The following MED12L variants were observed in gnomAD, a reference collection of about 807,000 sequenced individuals.
The protein encoded by MED12L is mediator of RNA polymerase II transcription subunit 12-like protein.
A neutral mutation model predicts 281.3 loss-of-function variants in MED12L; 60 were observed. That is an observed-to-expected ratio of 0.21 (90% CI 0.17 to 0.26). The LOEUF (loss-of-function observed/expected upper bound fraction) is 0.26, where lower values mean the gene tolerates loss of function less well. MED12L is among the 10% of genes least tolerant of loss of function. MED12L has a pLI of 1.00. For synonymous variants in MED12L, 974 were observed against 987.2 expected (o/e 0.99, Z 0.25); for missense variants, 2,146 against 2,680.9 (o/e 0.80, Z 4.41).
intron 3 of MED12L, among the ~76,000 whole-genome samples, chr3:151,119,911 C>G (rs545210630): frequency 6.6e-6 from 1 of 151,954 alleles, no homozygotes; most frequent in Non-Finnish European, 1.5e-5. Flanking sequence ...TGGATGGAAA[C>G]AAATGTTAAA....
intron 36 of MED12L, among the ~76,000 whole-genome samples, chr3:151,386,987 G>A (rs1713494374): frequency 6.6e-6 from 1 of 152,178 alleles, no homozygotes; most frequent in Non-Finnish European, 1.5e-5. Flanking sequence ...TGGGATTACA[G>A]ACACGAGCCA....
At chr3:151,361,173 A>G (rs999640409) in intron 21 of MED12L, among the ~76,000 whole-genome samples, 2 of 152,094 alleles carry the variant, frequency 1.3e-5, no homozygotes, top group East Asian at 1.9e-4. Context: ...CTGGTGACTC[A>G]TAGAAGGTTC....
At chr3:151,247,600 C>T (rs1484301081) in intron 16 of MED12L, among the ~76,000 whole-genome samples, 2 of 88,316 alleles carry the variant, frequency 2.3e-5, no homozygotes, top group Non-Finnish European at 4.5e-5. Flanking sequence ...TATCACACTC[C>T]GGGGACTGTT....
chr3:151,096,762 G>A (rs956356674), intron 2 of MED12L, among the ~76,000 whole-genome samples: 35 of 152,250 alleles, frequency 2.3e-4, no homozygotes, highest in African/African-American at 8.2e-4. Flanking sequence ...GCAGGTTAAA[G>A]TGGCTTGTCA....
intron 10 of MED12L, 144 bp downstream of exon 10, chr3:151,165,663 C>A: frequency 1.1e-6 from 1 of 900,246 alleles, no homozygotes; most frequent in Non-Finnish European, 1.7e-6. Context: ...TCAGTTTATG[C>A]CTTTTAGATC....
intron 16 of MED12L, among the ~76,000 whole-genome samples, chr3:151,197,496 C>A (rs928482960): frequency 6.6e-6 from 1 of 152,186 alleles, no homozygotes; most frequent in Non-Finnish European, 1.5e-5. Context: ...TCAGGCTCAT[C>A]TTTCTGGACC....
chr3:151,432,953 A>G lies in MED12L; in HGVS notation c.*149A>G, dbSNP rs1719700995. The stretch of plus-strand genomic sequence containing the variant: ...ATGCTACATCTCACAAAAAAAAAAA[A>G]AGGTGTTTAAACAAAAAGCCAAGGA... On this transcript the variant is annotated 3_prime_UTR_variant, in exon 45 of 45. Coordinates refer to ENST00000687756, the MANE Select transcript of MED12L (RefSeq NM_001393769.1). The G allele has an allele frequency of 1.8e-6, 1 of 568,156 alleles. No homozygotes were observed. Among genetic ancestry groups the G allele is most frequent in the Non-Finnish European group, 3.0e-6 (1 of 336,718 alleles). 35.2% of individuals were successfully genotyped at this position (568,156 alleles called of 1,614,324 possible).
intron 39 of MED12L, among the ~76,000 whole-genome samples, chr3:151,406,690 A>G (rs1716350662): frequency 1.3e-5 from 2 of 152,134 alleles, no homozygotes; most frequent in Middle Eastern, 3.4e-3. Flanking sequence ...TACAAAAACT[A>G]TATTTCCATT....
chr3:151,384,616 A>G (rs1713004249), intron 35 of MED12L: 1 of 190,924 alleles, frequency 5.2e-6, no homozygotes, highest in South Asian at 1.3e-4. Flanking sequence ...CCTTTAAAAA[A>G]AAATTGTAAG....
intron 3 of MED12L, among the ~76,000 whole-genome samples, chr3:151,122,241 C>G (rs558711231): frequency 2.0e-5 from 3 of 152,200 alleles, no homozygotes; most frequent in African/African-American, 7.2e-5. Flanking sequence ...TGTTGAATAC[C>G]AAATTTAATT....
chr3:151,199,908 G>A (rs1423716367), intron 16 of MED12L, among the ~76,000 whole-genome samples: 1 of 151,998 alleles, frequency 6.6e-6, no homozygotes, highest in Non-Finnish European at 1.5e-5. Context: ...GCTGACAGGG[G>A]AAGTAAGGAG....
At chr3:151,362,083 G>C (rs1475365903) in intron 21 of MED12L, among the ~76,000 whole-genome samples, 1 of 151,940 alleles carries the variant, frequency 6.6e-6, no homozygotes, top group African/African-American at 2.4e-5. Context: ...TAAATTCTGT[G>C]ATCTCTGCCT....
chr3:151,276,032 T>C (rs958085690), intron 16 of MED12L, among the ~76,000 whole-genome samples: 5 of 152,174 alleles, frequency 3.3e-5, no homozygotes, highest in African/African-American at 1.2e-4. Context: ...GGTGATCATA[T>C]TGATGATCAT....
intron 16 of MED12L, among the ~76,000 whole-genome samples, chr3:151,348,321 T>A (rs1203482505): frequency 7.8e-6 from 1 of 128,758 alleles, no homozygotes; most frequent in Admixed American, 9.3e-5. Context: ...AGGGTTCATA[T>A]GTACACAAAC....
chr3:151,372,347 C>T (rs1756290991), intron 26 of MED12L, among the ~76,000 whole-genome samples: 1 of 152,112 alleles, frequency 6.6e-6, no homozygotes, highest in Non-Finnish European at 1.5e-5. Flanking sequence ...AAAATAAGGA[C>T]CGAGTCTTGA....
Position 151,433,384 on chromosome 3 carries a change from T to C in MED12L, c.*580T>C, listed in dbSNP as rs1719747514. On this transcript the variant is annotated 3_prime_UTR_variant, in exon 45 of 45. Transcript: ENST00000687756. The stretch of plus-strand genomic sequence containing the variant: ...CTTTGTTCTTATTTATGTAGGACTC[T>C]TCTTTGCTTTTGTTGTGGTCAAAAG... 1 of 152,662 alleles carries C rather than the reference T, an allele frequency of 6.6e-6. No homozygotes were observed. Among genetic ancestry groups the C allele is most frequent in the African/African-American group, 2.4e-5 (1 of 41,450 alleles). 9.5% of individuals were successfully genotyped at this position (152,662 alleles called of 1,614,324 possible).
chr3:151,287,940 A>C (rs551841463), intron 16 of MED12L, among the ~76,000 whole-genome samples: 1 of 152,320 alleles, frequency 6.6e-6, no homozygotes, highest in African/African-American at 2.4e-5. Flanking sequence ...TTTTGTGATT[A>C]ATAGAAGCGG....
intron 2 of MED12L, among the ~76,000 whole-genome samples, chr3:151,108,339 A>T (rs1399199086): frequency 6.6e-6 from 1 of 152,110 alleles, no homozygotes; most frequent in Admixed American, 6.5e-5. Context: ...TTGGTTAATG[A>T]TGAGTTATGA....
chr3:151,169,122 G>GT (rs1179594098), intron 11 of MED12L, among the ~76,000 whole-genome samples: 1,774 of 82,486 alleles, frequency 0.022, 35 homozygotes, highest in African/African-American at 0.053. Flanking sequence ...TTTTTTTTTT[G>GT]TTTTTTTTTT....
Sources: gnomAD v4.1 joint callset for allele counts (sites outside exome capture counted in the v4.1 genomes callset) on GRCh38, gnomAD v4.1.1 for gene constraint, MANE v1.5 for transcripts, NCBI Gene and HGNC (gene_info 2026-07-23, HGNC 2026-07-21) for gene names.